Variants in IL1RAPL2 observed in about 807,000 individuals in gnomAD.
IL1RAPL2 encodes the protein X-linked interleukin-1 receptor accessory protein-like 2.
A neutral mutation model predicts 44.1 loss-of-function variants in IL1RAPL2; 3 were observed. The ratio of observed to expected loss-of-function variants is 0.07; its 90% CI spans 0.03 to 0.18. IL1RAPL2 has a LOEUF of 0.18. Among genes scored for constraint, IL1RAPL2 ranks in the 10% least tolerant of loss-of-function variants. The pLI is 1.00. For synonymous variants in IL1RAPL2, 181 were observed against 178.8 expected (o/e 1.01, Z -0.10); for missense variants, 391 against 496.4 (o/e 0.79, Z 2.02).
intron 2 of IL1RAPL2, among the ~76,000 whole-genome samples, chrX:104,733,270 A>G (rs190822169): frequency 9.0e-6 from 1 of 111,581 alleles, no homozygotes; most frequent in East Asian, 2.8e-4. Context: ...TTATTGTGAA[A>G]GAATGATTGT....
At chrX:105,164,898 A>G (rs1477559663) in intron 2 of IL1RAPL2, among the ~76,000 whole-genome samples, 2 of 112,211 alleles carry the variant, frequency 1.8e-5, no homozygotes, top group Non-Finnish European at 3.8e-5. Flanking sequence ...TTTCTGGAAC[A>G]TAGTATGTGC....
At chrX:105,243,561 ATGTGTG>A (rs1556210850) in intron 4 of IL1RAPL2, among the ~76,000 whole-genome samples, 105 of 88,457 alleles carry the variant, frequency 1.2e-3, no homozygotes, top group African/African-American at 6.3e-3. Context: ...ATATATATAT[ATGTGTG>A]TATATATATA....
chrX:105,580,781 C>T (rs1220537201), intron 6 of IL1RAPL2, among the ~76,000 whole-genome samples: 1 of 111,474 alleles, frequency 9.0e-6, no homozygotes, highest in Non-Finnish European at 1.9e-5. Context: ...TTCTGCTTGG[C>T]CTCACTGGGC....
At chrX:105,170,551 T>C (rs2033414464) in intron 2 of IL1RAPL2, among the ~76,000 whole-genome samples, 1 of 111,612 alleles carries the variant, frequency 9.0e-6, no homozygotes, top group African/African-American at 3.3e-5. Context: ...AATGACCCCA[T>C]GAAGTAGTCA....
intron 2 of IL1RAPL2, among the ~76,000 whole-genome samples, chrX:104,828,106 A>G (rs1039090620): frequency 3.6e-5 from 4 of 111,494 alleles, no homozygotes; most frequent in Non-Finnish European, 7.5e-5. Flanking sequence ...GTTATTACCC[A>G]CCTTCTGAAG....
intron 5 of IL1RAPL2, among the ~76,000 whole-genome samples, chrX:105,320,321 C>T (rs1005910696): frequency 7.2e-5 from 8 of 111,666 alleles, no homozygotes; most frequent in African/African-American, 2.6e-4. Context: ...TGAATTCTAA[C>T]CACTTGGCAA....
At chrX:104,749,448 A>T (rs1932223614) in intron 2 of IL1RAPL2, among the ~76,000 whole-genome samples, 1 of 111,550 alleles carries the variant, frequency 9.0e-6, no homozygotes, top group South Asian at 3.7e-4. Flanking sequence ...TAATGAGAAG[A>T]TGGTGAATAG....
intron 5 of IL1RAPL2, among the ~76,000 whole-genome samples, chrX:105,356,118 G>T (rs1488849330): frequency 9.2e-6 from 1 of 109,229 alleles, no homozygotes; most frequent in African/African-American, 3.4e-5. Flanking sequence ...AAAATGACTT[G>T]TGATGCCTTG....
intron 1 of IL1RAPL2, among the ~76,000 whole-genome samples, chrX:104,614,349 A>T (rs1446958396): frequency 8.9e-6 from 1 of 111,911 alleles, no homozygotes; most frequent in Non-Finnish European, 1.9e-5. Context: ...GTTTTATGAG[A>T]TCTTCTTGAT....
chrX:104,747,262 T>A (rs966992758), intron 2 of IL1RAPL2, among the ~76,000 whole-genome samples: 6 of 111,488 alleles, frequency 5.4e-5, no homozygotes, highest in African/African-American at 2.0e-4. Flanking sequence ...CTCAAAGCAA[T>A]CTTCCTTTAT....
intron 2 of IL1RAPL2, among the ~76,000 whole-genome samples, chrX:105,157,992 G>A (rs929561002): frequency 5.4e-5 from 6 of 111,977 alleles, no homozygotes; most frequent in African/African-American, 1.6e-4. Context: ...TATGGGGCAC[G>A]GAGGAAAAGC....
At chrX:105,484,518 T>A in intron 6 of IL1RAPL2, 131 bp downstream of exon 6, 1 of 503,443 alleles carries the variant, frequency 2.0e-6, no homozygotes, top group Admixed American at 2.8e-5. Flanking sequence ...TGCTCATTTA[T>A]AACCCTGGAG....
intron 5 of IL1RAPL2, chrX:105,406,644 T>C: frequency 8.7e-7 from 1 of 1,147,300 alleles, no homozygotes; most frequent in East Asian, 3.0e-5. Flanking sequence ...GGCAAATCTT[T>C]GCTGTGCAAA....
At chrX:105,598,806 C>A (rs1433654894) in intron 6 of IL1RAPL2, among the ~76,000 whole-genome samples, 1 of 112,319 alleles carries the variant, frequency 8.9e-6, no homozygotes, top group African/African-American at 3.2e-5. Context: ...GATATATTTT[C>A]TCTCTTCTTT....
In IL1RAPL2 at chrX:104,655,059, TAAG is replaced by T. The variant is rs909338112; in HGVS notation, c.-19-3835_-19-3833del. Among the ~76,000 whole-genome samples, 6 of 111,876 alleles carry T rather than the reference TAAG, an allele frequency of 5.4e-5. No homozygotes were observed. In the Admixed American group the frequency reaches 5.7e-4, roughly 11 times the overall value. On this transcript the variant is annotated intron_variant, in intron 1 of 10. Coordinates refer to ENST00000372582, the MANE Select transcript of IL1RAPL2 (RefSeq NM_017416.2). The stretch of plus-strand genomic sequence containing the variant: ...ACTTTGCTGAAGTTGCTTATCAGCT[TAAG>T]GAGATTTTGGGCTGAGATGATGGGG...
At chrX:104,909,348 A>C (rs1924147747) in intron 2 of IL1RAPL2, among the ~76,000 whole-genome samples, 1 of 112,138 alleles carries the variant, frequency 8.9e-6, no homozygotes, top group African/African-American at 3.2e-5. Flanking sequence ...TCAGCTCGTC[A>C]AAGTCATTCT....
intron 2 of IL1RAPL2, among the ~76,000 whole-genome samples, chrX:104,884,167 G>A (rs1418476762): frequency 1.8e-5 from 2 of 109,196 alleles, no homozygotes; most frequent in Admixed American, 2.0e-4. Context: ...GATTTTTCTC[G>A]GTCCTCTTTG....
At chrX:104,638,656 G>T (rs1050911823) in intron 1 of IL1RAPL2, among the ~76,000 whole-genome samples, 1 of 111,690 alleles carries the variant, frequency 9.0e-6, no homozygotes, top group Non-Finnish European at 1.9e-5. Context: ...CCATGTATTT[G>T]TATAGTTTCC....
intron 2 of IL1RAPL2, among the ~76,000 whole-genome samples, chrX:104,731,703 G>A (rs1181804179): frequency 9.0e-6 from 1 of 111,565 alleles, no homozygotes; most frequent in South Asian, 3.8e-4. Context: ...AAAGGCGCCT[G>A]GCCTGTTTGA....
Sources: allele counts gnomAD v4.1 joint callset (sites outside exome capture counted in the v4.1 genomes callset), GRCh38; gene constraint gnomAD v4.1.1; transcripts MANE v1.5; gene names NCBI Gene and HGNC (gene_info 2026-07-23, HGNC 2026-07-21).